The following SWAP70 variants were observed in gnomAD, a reference collection of about 807,000 sequenced individuals.
SWAP70 encodes switch-associated protein 70.
A neutral mutation model predicts 80.2 loss-of-function variants in SWAP70; 34 were observed. The observed-to-expected ratio is 0.42, with a 90% confidence interval of 0.32 to 0.56. The LOEUF (loss-of-function observed/expected upper bound fraction) is 0.56. SWAP70 is among the 20% of genes least tolerant of loss of function. The pLI is 0.09. For synonymous variants in SWAP70, 239 were observed against 238.5 expected, an observed-to-expected ratio of 1.00 and a Z score of -0.02; for missense variants, 578 against 690.7, an observed-to-expected ratio of 0.84 and a Z score of 1.83.
At chr11:9,718,827 C>T (rs1363966231) in intron 3 of SWAP70, among the ~76,000 whole-genome samples, 2 of 151,976 alleles carry the variant, frequency 1.3e-5, no homozygotes, top group Non-Finnish European at 2.9e-5. Context: ...ATATAACCAG[C>T]CTGGCTTGGT....
At chr11:9,674,585 A>G (rs967153676) in intron 1 of SWAP70, among the ~76,000 whole-genome samples, 2 of 152,162 alleles carry the variant, frequency 1.3e-5, no homozygotes, top group Non-Finnish European at 2.9e-5. Context: ...CTGTGGTCCC[A>G]GCTACTCAGG....
At chr11:9,710,914 G>A (rs1850989173) in intron 2 of SWAP70, among the ~76,000 whole-genome samples, 1 of 150,900 alleles carries the variant, frequency 6.6e-6, no homozygotes, top group South Asian at 2.1e-4. Flanking sequence ...AAACTCCTGG[G>A]CTCAAGGAAT....
intron 3 of SWAP70, among the ~76,000 whole-genome samples, chr11:9,718,817 A>G (rs1851097918): frequency 6.6e-6 from 1 of 152,134 alleles, no homozygotes; most frequent in Admixed American, 6.5e-5. Flanking sequence ...ACAATGTAAA[A>G]TATAACCAGC....
chr11:9,741,788 A>G (rs962826867), intron 9 of SWAP70: 4 of 152,032 alleles, frequency 2.6e-5, no homozygotes, highest in Non-Finnish European at 5.9e-5. Flanking sequence ...TTTTTAACCA[A>G]TGTTATGTAT....
intron 2 of SWAP70, among the ~76,000 whole-genome samples, chr11:9,712,123 A>G (rs566447712): frequency 2.8e-4 from 42 of 152,144 alleles, no homozygotes; most frequent in Non-Finnish European, 5.6e-4. Context: ...TTAGCTCCTC[A>G]GTGCTCCCAC....
At chr11:9,671,019 C>G (rs982968053) in intron 1 of SWAP70, among the ~76,000 whole-genome samples, 2 of 148,796 alleles carry the variant, frequency 1.3e-5, no homozygotes, top group Non-Finnish European at 3.0e-5. Context: ...TCCCAAAGTG[C>G]TGGGAGTACA....
chr11:9,749,256 A>AT, intron 11 of SWAP70, 73 bp downstream of exon 11: 1 of 838,052 alleles, frequency 1.2e-6, no homozygotes, highest in South Asian at 3.4e-5. Context: ...TAATTTATTT[A>AT]TTTTGAGATG....
intron 10 of SWAP70, 25 bp from the exon 11 acceptor site, chr11:9,749,062 A>G: frequency 6.5e-7 from 1 of 1,539,628 alleles, no homozygotes; most frequent in Non-Finnish European, 9.0e-7. Context: ...GTGTCTGCAT[A>G]GTCCAAAATC....
intron 2 of SWAP70, among the ~76,000 whole-genome samples, chr11:9,698,081 T>G (rs2134452160): frequency 6.8e-6 from 1 of 147,674 alleles, no homozygotes; most frequent in Admixed American, 6.9e-5. Flanking sequence ...CCACCATGCC[T>G]GGCCAATACA....
chr11:9,700,018 A>G (rs747896659), intron 2 of SWAP70, among the ~76,000 whole-genome samples: 2 of 152,078 alleles, frequency 1.3e-5, no homozygotes, highest in Non-Finnish European at 2.9e-5. Flanking sequence ...GTGCTGGGCC[A>G]GTGGATAGAG....
At chr11:9,696,786 A>G (rs1850763759) in intron 2 of SWAP70, among the ~76,000 whole-genome samples, 1 of 152,136 alleles carries the variant, frequency 6.6e-6, no homozygotes, top group Non-Finnish European at 1.5e-5. Flanking sequence ...CGAGCATGAA[A>G]TTTCTTTGTA....
intron 1 of SWAP70, among the ~76,000 whole-genome samples, chr11:9,685,845 G>C (rs1374058267): frequency 6.6e-6 from 1 of 152,102 alleles, no homozygotes; most frequent in Non-Finnish European, 1.5e-5. Context: ...TGTTGGCCAG[G>C]ATGGCCTCGA....
intron 1 of SWAP70, among the ~76,000 whole-genome samples, chr11:9,666,772 T>C (rs1373658903): frequency 6.7e-6 from 1 of 149,410 alleles, no homozygotes; most frequent in Non-Finnish European, 1.5e-5. Context: ...TCACCCAGGC[T>C]AGAGTGCAGT....
intron 6 of SWAP70, among the ~76,000 whole-genome samples, chr11:9,732,210 C>T (rs1325695961): frequency 6.6e-6 from 1 of 152,088 alleles, no homozygotes; most frequent in Non-Finnish European, 1.5e-5. Context: ...GTGCAATATT[C>T]CCAGATCGAG....
At chr11:9,685,569 A>G (rs972980275) in intron 1 of SWAP70, among the ~76,000 whole-genome samples, 2 of 151,922 alleles carry the variant, frequency 1.3e-5, no homozygotes, top group Non-Finnish European at 1.5e-5. Flanking sequence ...CCTCTTTTAT[A>G]AGGTCATTGA....
chr11:9,711,787 G>T (rs1390683), intron 2 of SWAP70, among the ~76,000 whole-genome samples: 4 of 151,868 alleles, frequency 2.6e-5, no homozygotes, highest in African/African-American at 4.8e-5. Flanking sequence ...TAGCCTTTGC[G>T]TTAGATCTGT....
chr11:9,685,558 A>G (rs564229108), intron 1 of SWAP70, among the ~76,000 whole-genome samples: 2 of 151,900 alleles, frequency 1.3e-5, no homozygotes, highest in Middle Eastern at 3.4e-3. Context: ...TCTCCCTTCA[A>G]CCTCTTTTAT....
At chr11:9,725,397 A>T (rs182900948) in intron 4 of SWAP70, among the ~76,000 whole-genome samples, 96 of 148,064 alleles carry the variant, frequency 6.5e-4, no homozygotes, top group Middle Eastern at 3.4e-3. Context: ...ATATATATAT[A>T]TTTTGGCTGG....
chr11:9,723,173 G>A (rs1014183131), intron 3 of SWAP70, among the ~76,000 whole-genome samples: 7 of 152,090 alleles, frequency 4.6e-5, no homozygotes, highest in African/African-American at 9.7e-5. Context: ...AAAAGGTGGC[G>A]ACCTGGAGGT....
Sources: allele counts gnomAD v4.1 joint callset (sites outside exome capture counted in the v4.1 genomes callset), GRCh38; gene constraint gnomAD v4.1.1; transcripts MANE v1.5; gene names NCBI Gene and HGNC (gene_info 2026-07-23, HGNC 2026-07-21).